RAB8B: variants seen among roughly 807,000 people sequenced by gnomAD.
The protein encoded by RAB8B is RAB8B, member RAS oncogene family.
RAB8B carries 11 observed loss-of-function variants against 32.0 expected under a neutral mutation model. That is an observed-to-expected ratio of 0.34 (90% CI 0.22 to 0.57). RAB8B has a LOEUF of 0.57. Among genes scored for constraint, RAB8B ranks in the 20% least tolerant of loss-of-function variants. The pLI, the probability that RAB8B is intolerant of heterozygous loss-of-function variation, is 0.86. For missense variants in RAB8B, 190 were observed against 258.5 expected, an observed-to-expected ratio of 0.73 and a Z score of 1.82; for synonymous variants, 103 against 89.6, an observed-to-expected ratio of 1.15 and a Z score of -0.85.
At position 63,246,370 on chromosome 15, in the gene RAB8B, C is replaced by A. The variant is rs151090482; in HGVS notation, c.185+1554C>A. On this transcript the variant is annotated intron_variant, in intron 2 of 7. Coordinates refer to ENST00000321437, the MANE Select transcript of RAB8B (RefSeq NM_016530.3). ...GGTTGTCACCTCTACTTCTGACCAA[C>A]TGGCTATAAATTGGGGTTCTGATGA... Among the ~76,000 whole-genome samples the A allele has an allele frequency of 6.6e-3, 1,005 of 152,310 alleles. 4 individuals are homozygous for A. Among genetic ancestry groups the A allele is most frequent in the Admixed American group, 0.011 (174 of 15,290 alleles).
At chr15:63,234,262 G>GA (rs1375760752) in intron 1 of RAB8B, among the ~76,000 whole-genome samples, 1 of 152,066 alleles carries the variant, frequency 6.6e-6, no homozygotes, top group African/African-American at 2.4e-5. Flanking sequence ...CGAAGGCCAA[G>GA]AAAACTACTC....
At chr15:63,202,023 C>T (rs1175906738) in intron 1 of RAB8B, among the ~76,000 whole-genome samples, 4 of 143,804 alleles carry the variant, frequency 2.8e-5, no homozygotes, top group East Asian at 2.2e-4. Context: ...GAGGCCGAGG[C>T]GGGCGGATCC....
At chr15:63,242,574 A>C (rs915085163) in intron 1 of RAB8B, among the ~76,000 whole-genome samples, 1 of 152,104 alleles carries the variant, frequency 6.6e-6, no homozygotes, top group African/African-American at 2.4e-5. Context: ...GCTACTCGGG[A>C]GGCTGAGGCG....
intron 1 of RAB8B, among the ~76,000 whole-genome samples, chr15:63,224,834 T>G (rs1377800006): frequency 6.6e-6 from 1 of 152,174 alleles, no homozygotes; most frequent in Non-Finnish European, 1.5e-5. Flanking sequence ...TCCTCCAGGG[T>G]GGACTCTAAA....
Position 63,259,545 on chromosome 15 carries a change from C to A in RAB8B, c.415-82C>A, listed in dbSNP as rs1294925819. ...TGAAATAGATACCCTACCTTTGAGACTTTGAAAAACCTAAGAAATACAAAT... is the reference window on the plus strand; with the variant it reads ...TGAAATAGATACCCTACCTTTGAGAATTTGAAAAACCTAAGAAATACAAAT... On this transcript the variant is annotated intron_variant, in intron 5 of 7. Coordinates refer to ENST00000321437, the MANE Select transcript of RAB8B (RefSeq NM_016530.3). The surrounding 1 kb of genome is among the most constrained non-coding windows in gnomAD (Gnocchi z 4.4). The A allele has an allele frequency of 4.7e-6, 6 of 1,284,368 alleles. No individual in the cohort carries two copies. The highest frequency in any genetic ancestry group is 5.5e-6 in the Non-Finnish European group (5 of 901,576). The allele number at this position is 1,284,368 out of a possible 1,614,324, so 79.6% of individuals were successfully genotyped here.
intron 1 of RAB8B, among the ~76,000 whole-genome samples, chr15:63,215,554 A>G (rs1032184269): frequency 6.6e-6 from 1 of 152,240 alleles, no homozygotes; most frequent in African/African-American, 2.4e-5. Flanking sequence ...GACTATCAAA[A>G]GGAAAGTTCT....
At chr15:63,196,716 A>G (rs1407208537) in intron 1 of RAB8B, among the ~76,000 whole-genome samples, 1 of 152,218 alleles carries the variant, frequency 6.6e-6, no homozygotes, top group Non-Finnish European at 1.5e-5. Flanking sequence ...TGATTAGATG[A>G]TATTTGAGTT....
intron 1 of RAB8B, among the ~76,000 whole-genome samples, chr15:63,226,888 T>A (rs935646607): frequency 5.3e-5 from 8 of 152,310 alleles, no homozygotes; most frequent in South Asian, 2.1e-4. Flanking sequence ...TGGTTTTTTT[T>A]TAAATGATAT....
At position 63,263,889 on chromosome 15, in the gene RAB8B, G is replaced by A. The variant is rs1174037949; in HGVS notation, c.*270G>A. Reference sequence around the variant, plus strand: ...TTGTTTTATTACCTGTTGCAGAAGCGGTTATCTTTCTTTTTTACTTTGCAC... The same window carrying A: ...TTGTTTTATTACCTGTTGCAGAAGCAGTTATCTTTCTTTTTTACTTTGCAC... On this transcript the variant is annotated 3_prime_UTR_variant, in exon 8 of 8. Transcript: ENST00000321437. The A allele has an allele frequency of 6.0e-6, 2 of 335,594 alleles. No homozygotes were observed. The highest frequency in any genetic ancestry group is 4.2e-5 in the African/African-American group (2 of 47,250). The allele number at this position is 335,594 out of a possible 1,614,324, so 20.8% of individuals were successfully genotyped here. A position where few individuals can be genotyped will look rare whatever the true frequency, so the allele number is the denominator to read the frequency against.
At chr15:63,239,000 G>A (rs80119326) in intron 1 of RAB8B, among the ~76,000 whole-genome samples, 4 of 152,146 alleles carry the variant, frequency 2.6e-5, no homozygotes, top group Non-Finnish European at 4.4e-5. Context: ...TGCTGTTGTG[G>A]TCAGGAACTG....
chr15:63,208,305 A>T (rs370923421), intron 1 of RAB8B, among the ~76,000 whole-genome samples: 9 of 152,234 alleles, frequency 5.9e-5, no homozygotes, highest in Non-Finnish European at 1.3e-4. Flanking sequence ...AGGCCCTTAC[A>T]TGAGAAGAAA....
At chr15:63,218,353 A>G (rs1442757105) in intron 1 of RAB8B, among the ~76,000 whole-genome samples, 1 of 152,218 alleles carries the variant, frequency 6.6e-6, no homozygotes, top group Non-Finnish European at 1.5e-5. Context: ...TGGGTCCTTA[A>G]GAAGTGCTAG....
chr15:63,245,924 G>A (rs1158622726), intron 2 of RAB8B, among the ~76,000 whole-genome samples: 1 of 152,104 alleles, frequency 6.6e-6, no homozygotes, highest in East Asian at 1.9e-4. Flanking sequence ...CCAAGCTGTG[G>A]TGCAATGGTG....
Position 63,256,536 on chromosome 15 carries a change from T to C in RAB8B, c.356T>C (p.Leu119Pro). 6.2e-7 allele frequency: 1 copy of C among 1,604,548 alleles called. No individual in the cohort carries two copies. The highest frequency in any genetic ancestry group is 1.1e-5 in the South Asian group (1 of 88,798). The change falls in exon 5 of 8, where the codon CTG becomes CCG. Residue 119 changes from leucine (L) to proline (P), a missense_variant. Leu to Pro is a moderately conservative substitution (Grantham distance 98). This residue lies in a region of RAB8B where 110 missense variants were observed against 115.9 expected (regional missense o/e 0.95). Transcript: ENST00000321437. ...TCTTCCGATGTCGAAAGAATGATCC[T>C]GGGTAACAAATGTGATATGAATGAC... ...HASSDVERMI[L>P]GNKCDMNDKR...
intron 1 of RAB8B, among the ~76,000 whole-genome samples, chr15:63,194,627 G>A (rs938173299): frequency 2.0e-5 from 3 of 152,112 alleles, no homozygotes; most frequent in African/African-American, 7.2e-5. Context: ...CATATTAATG[G>A]GGGTATGTTA....
rs368180188 is a variant in RAB8B, at chr15:63,230,058, A to T, written c.125-14698A>T. Among the ~76,000 whole-genome samples, 69 of 149,834 alleles carry T rather than the reference A, an allele frequency of 4.6e-4. 2 individuals are homozygous for T. Among genetic ancestry groups the T allele is most frequent in the African/African-American group, 1.5e-3 (63 of 40,786 alleles). Reference sequence around the variant, plus strand: ...ATATGCCATTTGTGCCAAAATGTTGATTTTTTTTTTACTCATCCTCTTACC... The same window carrying T: ...ATATGCCATTTGTGCCAAAATGTTGTTTTTTTTTTTACTCATCCTCTTACC... On this transcript the variant is annotated intron_variant, in intron 1 of 7. Coordinates refer to ENST00000321437, the MANE Select transcript of RAB8B (RefSeq NM_016530.3).
chr15:63,216,030 C>T (rs1036535195), intron 1 of RAB8B, among the ~76,000 whole-genome samples: 2 of 150,834 alleles, frequency 1.3e-5, no homozygotes, highest in African/African-American at 4.9e-5. Flanking sequence ...AGAATGAGAC[C>T]GTCTCAAAAA....
intron 1 of RAB8B, among the ~76,000 whole-genome samples, chr15:63,207,211 C>T (rs977092340): frequency 1.3e-5 from 2 of 152,202 alleles, no homozygotes; most frequent in African/African-American, 4.8e-5. Flanking sequence ...ATATCTCCTG[C>T]CAGATTGTAA....
chr15:63,227,693 G>C (rs1372779885), intron 1 of RAB8B, among the ~76,000 whole-genome samples: 1 of 152,150 alleles, frequency 6.6e-6, no homozygotes, highest in East Asian at 1.9e-4. Flanking sequence ...AATAATCTGT[G>C]CATACCTGCT....
Sources: allele counts gnomAD v4.1 joint callset (sites outside exome capture counted in the v4.1 genomes callset), GRCh38; gene constraint gnomAD v4.1.1; regional missense constraint gnomAD v4.1.1; non-coding constraint Gnocchi (gnomAD v3.1); transcripts MANE v1.5; gene names NCBI Gene and HGNC (gene_info 2026-07-23, HGNC 2026-07-21).